The following DOCK3 variants were observed in gnomAD, a reference collection of about 807,000 sequenced individuals.
DOCK3 encodes dedicator of cytokinesis protein 3.
A neutral mutation model predicts 265.6 loss-of-function variants in DOCK3; 60 were observed. That is an observed-to-expected ratio of 0.23 (90% CI 0.18 to 0.28). DOCK3 has a LOEUF of 0.28. Ranked by LOEUF, DOCK3 falls within the 10% of genes least tolerant of loss-of-function variation. The probability of loss-of-function intolerance (pLI) is 1.00; values close to 1 mark genes in which losing one functional copy is unlikely to be tolerated. For missense variants in DOCK3, 1,981 were observed against 2,594.3 expected, an observed-to-expected ratio of 0.76 and a Z score of 5.14; for synonymous variants, 881 against 938.0, an observed-to-expected ratio of 0.94 and a Z score of 1.11.
At position 51,088,643 on chromosome 3, in the gene DOCK3, AT is replaced by A. The variant is rs575585653; in HGVS notation, c.550-597del. ...TCTATATCATAGTGATGCTCATGTAATTTGAGCTTCACAATAACTTTGTAAG... is the reference window on the plus strand; with the variant it reads ...TCTATATCATAGTGATGCTCATGTAATTGAGCTTCACAATAACTTTGTAAG... On this transcript the variant is annotated intron_variant, in intron 7 of 52. Coordinates refer to ENST00000266037, the MANE Select transcript of DOCK3 (RefSeq NM_004947.5). Among the ~76,000 whole-genome samples, 1,096 of 152,300 alleles carry A rather than the reference AT, an allele frequency of 7.2e-3. 14 individuals are homozygous for A. The highest frequency in any genetic ancestry group is 0.025 in the African/African-American group (1,033 of 41,558).
In DOCK3 at chr3:51,081,677, C is replaced by T. The variant is rs112872964; in HGVS notation, c.549+6237C>T. Among the ~76,000 whole-genome samples, 41 of 152,092 alleles carry T rather than the reference C, an allele frequency of 2.7e-4. No homozygotes were observed. The Middle Eastern group carries it at 0.01, about 38-fold the overall frequency. ...TTGGGAGGCCAAGGCAGACAGATCACGAGGTCAGGAGATTGAGACCATCCT... is the reference window on the plus strand; with the variant it reads ...TTGGGAGGCCAAGGCAGACAGATCATGAGGTCAGGAGATTGAGACCATCCT... On this transcript the variant is annotated intron_variant, in intron 7 of 52. Coordinates refer to ENST00000266037, the MANE Select transcript of DOCK3 (RefSeq NM_004947.5).
At chr3:51,231,776 TG>T (rs2078133440) in intron 19 of DOCK3, among the ~76,000 whole-genome samples, 1 of 152,222 alleles carries the variant, frequency 6.6e-6, no homozygotes, top group South Asian at 2.1e-4. Flanking sequence ...AAGTCACGTT[TG>T]TCAATTGTTT....
At chr3:51,071,317 T>C (rs944882974) in intron 6 of DOCK3, among the ~76,000 whole-genome samples, 2 of 152,186 alleles carry the variant, frequency 1.3e-5, no homozygotes, top group Non-Finnish European at 2.9e-5. Context: ...GAATGATCAA[T>C]GATGGGTGAG....
At chr3:51,258,905 A>G (rs1485450174) in intron 22 of DOCK3, among the ~76,000 whole-genome samples, 1 of 152,214 alleles carries the variant, frequency 6.6e-6, no homozygotes, top group African/African-American at 2.4e-5. Context: ...AGTGACTTCA[A>G]ACTGGCATAA....
At chr3:50,770,939 C>T (rs1339570117) in intron 1 of DOCK3, among the ~76,000 whole-genome samples, 1 of 152,176 alleles carries the variant, frequency 6.6e-6, no homozygotes, top group African/African-American at 2.4e-5. Flanking sequence ...ACACCTATTT[C>T]TTGCCATATA....
chr3:51,296,847 G>A (rs2082108196), intron 27 of DOCK3, among the ~76,000 whole-genome samples: 1 of 152,064 alleles, frequency 6.6e-6, no homozygotes, highest in South Asian at 2.1e-4. Flanking sequence ...GCCAGGTGCA[G>A]TGGCTCAACA....
In DOCK3 at chr3:51,161,132, G is replaced by A. The variant is rs562498261; in HGVS notation, c.1037+430G>A. On this transcript the variant is annotated intron_variant, in intron 12 of 52. Transcript: ENST00000266037. ...TGGACACAGAATCACCAGGATGTAG[G>A]AAAAGGAGCTTTTTGAAAATGCAGA... Among the ~76,000 whole-genome samples the A allele has an allele frequency of 3.3e-5, 5 of 150,460 alleles. No homozygotes were observed. The South Asian group carries it at 1.1e-3, about 32-fold the overall frequency.
intron 1 of DOCK3, among the ~76,000 whole-genome samples, chr3:50,749,087 C>A (rs890277777): frequency 1.3e-5 from 2 of 152,094 alleles, no homozygotes; most frequent in African/African-American, 4.8e-5. Context: ...GTGTGATATG[C>A]CTAGGAAAGT....
intron 27 of DOCK3, among the ~76,000 whole-genome samples, chr3:51,304,323 A>G (rs2082526682): frequency 6.6e-6 from 1 of 151,724 alleles, no homozygotes; most frequent in Admixed American, 6.6e-5. Context: ...TAATCATCTT[A>G]GGCAGCAGGC....
At chr3:50,878,853 A>G (rs897795008) in intron 3 of DOCK3, among the ~76,000 whole-genome samples, 1 of 152,348 alleles carries the variant, frequency 6.6e-6, no homozygotes, top group East Asian at 1.9e-4. Context: ...GAAATGAAGG[A>G]AAAAATATTA....
At chr3:51,354,760 A>C in intron 40 of DOCK3, 122 bp from the exon 41 acceptor site, 1 of 1,451,404 alleles carries the variant, frequency 6.9e-7, no homozygotes, top group Non-Finnish European at 9.2e-7. Flanking sequence ...TGCCTGTCCC[A>C]GGGCCTGATA....
At chr3:51,006,896 A>C (rs1432181939) in intron 5 of DOCK3, among the ~76,000 whole-genome samples, 1 of 152,150 alleles carries the variant, frequency 6.6e-6, no homozygotes, top group African/African-American at 2.4e-5. Context: ...TCCTTGCGAT[A>C]GTTTGCTGAG....
At chr3:51,112,738 G>A (rs1459737052) in intron 9 of DOCK3, among the ~76,000 whole-genome samples, 1 of 152,138 alleles carries the variant, frequency 6.6e-6, no homozygotes, top group African/African-American at 2.4e-5. Flanking sequence ...GGAGTGGACA[G>A]GTTTTAAACC....
At chr3:51,139,823 T>C (rs187742768) in intron 9 of DOCK3, among the ~76,000 whole-genome samples, 17 of 152,336 alleles carry the variant, frequency 1.1e-4, no homozygotes, top group Middle Eastern at 3.4e-3. Flanking sequence ...AGCCAGCCAC[T>C]TGGGCTGAAA....
At chr3:51,247,976 T>C (rs977011136) in intron 22 of DOCK3, among the ~76,000 whole-genome samples, 51 of 152,178 alleles carry the variant, frequency 3.4e-4, no homozygotes, top group African/African-American at 1.1e-3. Flanking sequence ...GAAAAATAAT[T>C]GCTTAAGGAT....
intron 5 of DOCK3, among the ~76,000 whole-genome samples, chr3:51,004,466 G>A (rs1229251533): frequency 6.6e-6 from 1 of 152,060 alleles, no homozygotes; most frequent in Non-Finnish European, 1.5e-5. Context: ...AAGTTGTAGG[G>A]TAATTTGTTA....
intron 1 of DOCK3, among the ~76,000 whole-genome samples, chr3:50,711,264 C>CTTTTTTTTTTTTTTTTTTTTTGTTTTTT (rs34839295): frequency 7.1e-6 from 1 of 139,880 alleles, no homozygotes. Flanking sequence ...TTGCTTAGTC[C>CTTTTTTTTTTTTTTTTTTTTTGTTTTTT]TTTTTTTTTT....
At chr3:50,698,516 G>GTTTTTTTTTTTTTTTTTTTTTTTTTT (rs2035788895) in intron 1 of DOCK3, among the ~76,000 whole-genome samples, 1 of 12,410 alleles carries the variant, frequency 8.1e-5, no homozygotes, top group Non-Finnish European at 2.2e-4. Flanking sequence ...GTATGTTTTT[G>GTTTTTTTTTTTTTTTTTTTTTTTTTT]GTTTTTTTTT....
intron 12 of DOCK3, among the ~76,000 whole-genome samples, chr3:51,163,430 C>G (rs1413447890): frequency 6.6e-6 from 1 of 151,758 alleles, no homozygotes; most frequent in African/African-American, 2.4e-5. Context: ...CAATAAGAAG[C>G]TGAGGCATGA....
Sources: gnomAD v4.1 joint callset for allele counts (sites outside exome capture counted in the v4.1 genomes callset) on GRCh38, gnomAD v4.1.1 for gene constraint, MANE v1.5 for transcripts, NCBI Gene and HGNC (gene_info 2026-07-23, HGNC 2026-07-21) for gene names.